Variants in ABCA13 observed in about 807,000 individuals in gnomAD.
ABCA13 encodes the protein ATP-binding cassette sub-family A member 13.
Under a neutral mutation model 478.7 loss-of-function variants are expected in ABCA13, and 476 were observed. That is an observed-to-expected ratio of 0.99 (90% CI 0.92 to 1.07). The LOEUF (loss-of-function observed/expected upper bound fraction) is 1.07. Ranked by LOEUF, ABCA13 falls within the 50% of genes least tolerant of loss-of-function variation. The pLI, the probability that ABCA13 is intolerant of heterozygous loss-of-function variation, is 0.00. For missense variants in ABCA13, 6,060 were observed against 5,910.6 expected (o/e 1.03, Z -0.83); for synonymous variants, 2,252 against 2,158.9 (o/e 1.04, Z -1.20).
intron 29 of ABCA13, among the ~76,000 whole-genome samples, chr7:48,348,760 T>A (rs900741122): frequency 1.3e-5 from 2 of 152,226 alleles, no homozygotes; most frequent in Admixed American, 1.3e-4. Context: ...AATCTCAGGC[T>A]TAGAGACTGG....
chr7:48,289,816 A>G (rs1339788293), intron 20 of ABCA13, among the ~76,000 whole-genome samples: 1 of 152,222 alleles, frequency 6.6e-6, no homozygotes, highest in Non-Finnish European at 1.5e-5. Context: ...GTTAGTTTTG[A>G]TAAAGAGCAG....
At chr7:48,181,484 C>A (rs1324061856) in intron 1 of ABCA13, among the ~76,000 whole-genome samples, 1 of 151,712 alleles carries the variant, frequency 6.6e-6, no homozygotes, top group African/African-American at 2.4e-5. Flanking sequence ...TTTCTGCTCT[C>A]TTCTTGTTTT....
intron 23 of ABCA13, among the ~76,000 whole-genome samples, chr7:48,301,959 C>T (rs1800212860): frequency 1.3e-5 from 2 of 152,276 alleles, no homozygotes; most frequent in South Asian, 2.1e-4. Flanking sequence ...ATGAAAGCCA[C>T]GTTACCTTAT....
chr7:48,551,663 G>T, intron 55 of ABCA13, among the ~76,000 whole-genome samples: 1 of 148,192 alleles, frequency 6.7e-6, no homozygotes, highest in African/African-American at 2.5e-5. Context: ...TGTTTCTACT[G>T]ACCACCAACT....
chr7:48,564,899 T>C (rs888378944), intron 55 of ABCA13, among the ~76,000 whole-genome samples: 3 of 152,154 alleles, frequency 2.0e-5, no homozygotes, highest in African/African-American at 7.2e-5. Context: ...CTGTAAAATT[T>C]AACAGTGACT....
chr7:48,594,654 T>C (rs1295358702), intron 57 of ABCA13, 56 bp from the exon 58 acceptor site: 8 of 1,509,636 alleles, frequency 5.3e-6, no homozygotes, highest in Non-Finnish European at 6.4e-6. Context: ...TGTCATTGTG[T>C]ATATTTCTAT....
At chr7:48,361,373 C>T (rs945667815) in intron 31 of ABCA13, among the ~76,000 whole-genome samples, 2 of 151,566 alleles carry the variant, frequency 1.3e-5, no homozygotes, top group East Asian at 1.9e-4. Context: ...ATTCCTCTCT[C>T]GGTGTGGTTA....
intron 59 of ABCA13, among the ~76,000 whole-genome samples, chr7:48,616,808 G>T (rs1180763435): frequency 6.6e-6 from 1 of 152,078 alleles, no homozygotes; most frequent in African/African-American, 2.4e-5. Flanking sequence ...ATCACTTGAG[G>T]CCCAGAGTTT....
At chr7:48,219,234 T>G in intron 3 of ABCA13, 120 bp from the exon 4 acceptor site, 130 of 987,408 alleles carry the variant, frequency 1.3e-4, no homozygotes, top group Non-Finnish European at 1.7e-4. Flanking sequence ...GGGTAGATGA[T>G]GAGAGTGTAA....
chr7:48,524,307 A>T lies in ABCA13; in HGVS notation c.14111A>T (p.Glu4704Val), dbSNP rs758496048. ...KSSKDTDVEK[E>V]EKRVFEGRTN... ...TCTAAGGATACAGATGTTGAAAAAG[A>T]GGAAAAGAGAGTGTTTGAAGGAAGG... The change falls in exon 54 of 62, where the codon GAG (glutamate) becomes GTG (valine). Residue 4704 changes from glutamate to valine, a missense_variant. Glu to Val is a moderately radical substitution (Grantham distance 121). Coordinates refer to ENST00000435803, the MANE Select transcript of ABCA13 (RefSeq NM_152701.5). The T allele has an allele frequency of 1.2e-6, 2 of 1,613,118 alleles. No individual in the cohort carries two copies. The highest frequency in any genetic ancestry group is 1.1e-5 in the South Asian group (1 of 90,938).
intron 42 of ABCA13, among the ~76,000 whole-genome samples, chr7:48,439,891 C>T (rs1435159762): frequency 6.6e-6 from 1 of 152,096 alleles, no homozygotes; most frequent in East Asian, 1.9e-4. Context: ...TTCAGGGTCT[C>T]ACTCACACTC....
chr7:48,306,069 G>A (rs990381781), intron 23 of ABCA13, among the ~76,000 whole-genome samples: 2 of 152,118 alleles, frequency 1.3e-5, no homozygotes, highest in African/African-American at 2.4e-5. Flanking sequence ...CTCTCAAACA[G>A]GAACAACGAA....
chr7:48,328,156 C>T (rs1425627212), intron 27 of ABCA13, among the ~76,000 whole-genome samples: 1 of 152,176 alleles, frequency 6.6e-6, no homozygotes, highest in East Asian at 1.9e-4. Flanking sequence ...CTGGAGTCTA[C>T]ATAAACTTGT....
chr7:48,474,066 GT>G (rs553890423), intron 45 of ABCA13, among the ~76,000 whole-genome samples: 3 of 151,754 alleles, frequency 2.0e-5, no homozygotes, highest in Non-Finnish European at 2.9e-5. Context: ...CATAATTATT[GT>G]TTTTTTTCCC....
At chr7:48,297,045 G>T (rs1177473059) in intron 21 of ABCA13, among the ~76,000 whole-genome samples, 187 bp from the exon 22 acceptor site, 4 of 152,146 alleles carry the variant, frequency 2.6e-5, no homozygotes, top group Non-Finnish European at 4.4e-5. Flanking sequence ...AGTGTGGGTA[G>T]TATTAATGGA....
intron 45 of ABCA13, among the ~76,000 whole-genome samples, chr7:48,479,001 G>A (rs1298339762): frequency 6.7e-6 from 1 of 148,788 alleles, no homozygotes; most frequent in Non-Finnish European, 1.5e-5. Context: ...AGGCTGGAGT[G>A]CAGTGGCGCG....
chr7:48,337,180 A>T (rs1226666910), intron 28 of ABCA13, among the ~76,000 whole-genome samples: 5 of 152,138 alleles, frequency 3.3e-5, no homozygotes, highest in African/African-American at 1.2e-4. Flanking sequence ...GGTTTGTAGT[A>T]GTCGATGTGT....
chr7:48,425,576 A>C (rs1410453059), intron 41 of ABCA13, among the ~76,000 whole-genome samples: 1 of 152,146 alleles, frequency 6.6e-6, no homozygotes, highest in Non-Finnish European at 1.5e-5. Flanking sequence ...TGAGAATTAC[A>C]TGATGAAACA....
chr7:48,376,632 A>G, intron 35 of ABCA13, 60 bp downstream of exon 35: 4 of 1,511,440 alleles, frequency 2.6e-6, no homozygotes, highest in Non-Finnish European at 3.6e-6. Context: ...TTGAATTAAT[A>G]TGCATAAATA....
Sources: gnomAD v4.1 joint callset for allele counts (sites outside exome capture counted in the v4.1 genomes callset) on GRCh38, gnomAD v4.1.1 for gene constraint, MANE v1.5 for transcripts, NCBI Gene and HGNC (gene_info 2026-07-23, HGNC 2026-07-21) for gene names.